Variants in P3H3 observed in about 807,000 individuals in gnomAD.
P3H3 encodes the protein gene rich cluster, B.
Under a neutral mutation model 78.1 loss-of-function variants are expected in P3H3, and 64 were observed. The observed-to-expected ratio is 0.82, with a 90% CI of 0.67 to 1.01. The LOEUF (loss-of-function observed/expected upper bound fraction) is 1.01, where lower values mean the gene tolerates loss of function less well. Among genes scored for constraint, P3H3 ranks in the 50% least tolerant of loss-of-function variants. The pLI, the probability that P3H3 is intolerant of heterozygous loss-of-function variation, is 0.00. For synonymous variants in P3H3, 425 were observed against 416.7 expected, an observed-to-expected ratio of 1.02 and a Z score of -0.24; for missense variants, 975 against 982.2, an observed-to-expected ratio of 0.99 and a Z score of 0.10.
intron 10 of P3H3, 57 bp from the exon 11 acceptor site, chr12:6,837,366 C>T (rs782054100): frequency 2.8e-5 from 43 of 1,559,084 alleles, no homozygotes; most frequent in Middle Eastern, 3.9e-4. Context: ...GGGCTAGGGC[C>T]GAGACCACCC....
At chr12:6,836,217 G>A (rs1943494234) in intron 9 of P3H3, among the ~76,000 whole-genome samples, 1 of 125,058 alleles carries the variant, frequency 8.0e-6, no homozygotes, top group Non-Finnish European at 1.6e-5. Context: ...GCAAGACCCC[G>A]TCTCAAAAAC....
intron 6 of P3H3, among the ~76,000 whole-genome samples, chr12:6,832,941 C>T (rs995022380): frequency 8.0e-5 from 12 of 150,294 alleles, no homozygotes; most frequent in African/African-American, 2.9e-4. Context: ...TTTGGGAGGC[C>T]GAGGCAGGTG....
chr12:6,838,369 C>G (rs554616484), intron 13 of P3H3, among the ~76,000 whole-genome samples: 3 of 152,144 alleles, frequency 2.0e-5, no homozygotes, highest in Admixed American at 6.5e-5. Context: ...GGCTGGCGCA[C>G]AGATACCAGG....
chr12:6,830,049 C>G, intron 2 of P3H3, 38 bp downstream of exon 2: 1 of 1,610,658 alleles, frequency 6.2e-7, no homozygotes, highest in Non-Finnish European at 8.5e-7. Flanking sequence ...TGCCACCAGC[C>G]TTTTCCTGGC....
chr12:6,831,458 C>G lies in P3H3; in HGVS notation c.1122+106C>G. 4.8e-6 allele frequency: 7 copies of G among 1,472,164 alleles called. No homozygotes were observed. Among genetic ancestry groups the G allele is most frequent in the South Asian group, 3.8e-5 (3 of 79,486 alleles). The allele number at this position is 1,472,164 out of a possible 1,614,324, so 91.2% of individuals were successfully genotyped here. On this transcript the variant is annotated intron_variant, in intron 5 of 14. Transcript: ENST00000290510. This position sits in a 1 kb window ranked among gnomAD's most constrained non-coding sequence, Gnocchi z 4.6. ...CCCGCTGGCCTCTTACCCGAGCACT[C>G]TAGTCACCCAAAGGACTCCAAGTCC...
Position 6,837,576 on chromosome 12 carries a change from A to G in P3H3, c.1711+3A>G, listed in dbSNP as rs1555122367. ...GGTGTGCCGCAGCGCCATAGAAGGTACGACAGGGACCCCCCACTGCTCTTC... is the reference window on the plus strand; with the variant it reads ...GGTGTGCCGCAGCGCCATAGAAGGTGCGACAGGGACCCCCCACTGCTCTTC... On this transcript the variant is annotated splice_donor_region_variant and intron_variant, in intron 11 of 14. Coordinates refer to ENST00000290510, the MANE Select transcript of P3H3 (RefSeq NM_014262.5). 9.3e-6 allele frequency: 15 copies of G among 1,611,398 alleles called. No individual in the cohort carries two copies. Among genetic ancestry groups the G allele is most frequent in the African/African-American group, 1.3e-5 (1 of 74,790 alleles).
At chr12:6,838,571 G>C (rs1435304566) in intron 13 of P3H3, among the ~76,000 whole-genome samples, 1 of 152,134 alleles carries the variant, frequency 6.6e-6, no homozygotes, top group Non-Finnish European at 1.5e-5. Context: ...CGGACACCAG[G>C]GGCTAGGATT....
intron 13 of P3H3, 85 bp downstream of exon 13, chr12:6,838,118 G>A: frequency 3.3e-6 from 5 of 1,523,058 alleles, no homozygotes; most frequent in Non-Finnish European, 4.4e-6. Flanking sequence ...AGAGGCAAAT[G>A]CAGGGAAATG....
intron 13 of P3H3, 116 bp downstream of exon 13, chr12:6,838,149 C>G: frequency 7.3e-7 from 1 of 1,371,140 alleles, no homozygotes. Flanking sequence ...TTAACCCTTT[C>G]ACTTCCCCGC....
At position 6,839,390 on chromosome 12, in the gene P3H3, C is replaced by A. The variant is rs782002771; in HGVS notation, c.2140C>A (p.Pro714Thr). ...GCCCAGCAAAGACCCTTCCCCAGAG[C>A]CCCCTAGCCGCAGGCACCAGAGGGT... Reference protein sequence around the residue: ...EMPSKDPSPEPPSRRHQRVQD... With the variant: ...EMPSKDPSPETPSRRHQRVQD... The change falls in exon 15 of 15, where the codon CCC becomes ACC. Residue 714 changes from proline (P) to threonine (T), a missense_variant. By Grantham distance (38) the Pro-to-Thr change is conservative. Coordinates refer to ENST00000290510, the MANE Select transcript of P3H3 (RefSeq NM_014262.5). 7 of 1,552,680 alleles carry A rather than the reference C, an allele frequency of 4.5e-6. No individual in the cohort carries two copies. The highest frequency in any genetic ancestry group is 4.4e-6 in the Non-Finnish European group (5 of 1,147,550).
chr12:6,830,333 A>G lies in P3H3; in HGVS notation c.652-20A>G. On this transcript the variant is annotated intron_variant, in intron 2 of 14. Transcript: ENST00000290510. ...GCAACCCCTGGATCTTAGGTGACTG[A>G]CTGCTCCCTTCCCCAACAGGCAGCC... The G allele has an allele frequency of 6.4e-7, 1 of 1,562,506 alleles. No homozygotes were observed. The highest frequency in any genetic ancestry group is 2.3e-4 in the Middle Eastern group (1 of 4,368).
rs1555121501 is a variant in P3H3 at position 6,831,874 on chromosome 12, A to G, written c.1172A>G (p.Tyr391Cys). 2 of 1,608,824 alleles carry G rather than the reference A, an allele frequency of 1.2e-6. No individual in the cohort carries two copies. Among genetic ancestry groups the G allele is most frequent in the East Asian group, 4.5e-5 (2 of 44,800 alleles). ...LRSLGEKRQL[Y>C]YAMEHLGTSF... Reference sequence around the variant, plus strand: ...TCCCTGGGGGAGAAGAGGCAGCTCTACTATGCCATGGAGCACCTGGGGACC... The same window carrying G: ...TCCCTGGGGGAGAAGAGGCAGCTCTGCTATGCCATGGAGCACCTGGGGACC... Residue 391 changes from tyrosine (Y) to cysteine (C), a missense_variant, in exon 6 of 15, where the codon TAC (tyrosine) becomes TGC (cysteine). By Grantham distance (194) the Tyr-to-Cys change is radical. Coordinates refer to ENST00000290510, the MANE Select transcript of P3H3 (RefSeq NM_014262.5). This position sits in a 1 kb window ranked among gnomAD's most constrained non-coding sequence, Gnocchi z 4.6.
rs1385799700 is a variant in P3H3, at chr12:6,829,282, T to G, written c.498+344T>G. On this transcript the variant is annotated intron_variant, in intron 1 of 14. Coordinates refer to ENST00000290510, the MANE Select transcript of P3H3 (RefSeq NM_014262.5). The surrounding 1 kb of genome is among the most constrained non-coding windows in gnomAD (Gnocchi z 5.1). ...CTCTCGGACGGGAAGTGTGCGTGGG[T>G]GTGTGTGTGTGTCGGGGGTGGTGGT... 4.2e-6 allele frequency: 1 copy of G among 236,658 alleles called. No individual in the cohort carries two copies. The highest frequency in any genetic ancestry group is 8.1e-6 in the Non-Finnish European group (1 of 123,350). 14.7% of individuals were successfully genotyped at this position (236,658 alleles called of 1,614,324 possible).
At position 6,837,484 on chromosome 12, in the gene P3H3, G is replaced by T. The variant is rs111999439; in HGVS notation, c.1622G>T (p.Arg541Leu). 2.5e-3 allele frequency: 4,088 copies of T among 1,611,440 alleles called. 9 individuals are homozygous for T. The highest frequency in any genetic ancestry group is 3.1e-3 in the Non-Finnish European group (3,693 of 1,178,976). Residue 541 changes from arginine (R) to leucine (L), a missense_variant, in exon 11 of 15, where the codon CGG becomes CTG. By Grantham distance (102) the Arg-to-Leu change is moderately radical. Coordinates refer to ENST00000290510, the MANE Select transcript of P3H3 (RefSeq NM_014262.5). ...AAGCTGCTTCTGGAGGTGAGCGAGC[G>T]GGTGCGGACCTTGACCCAGGCCTAC... ...GAKLLLEVSE[R>L]VRTLTQAYFS...
rs1555120940 is a variant in P3H3 at position 6,829,212 on chromosome 12, C to T, written c.498+274C>T. 8.1e-6 allele frequency: 3 copies of T among 369,102 alleles called. No individual in the cohort carries two copies. Among genetic ancestry groups the T allele is most frequent in the African/African-American group, 4.2e-5 (2 of 47,808 alleles). The allele number at this position is 369,102 out of a possible 1,614,324, so 22.9% of individuals were successfully genotyped here. A position where few individuals can be genotyped will look rare whatever the true frequency, so the allele number is the denominator to read the frequency against. ...CAGATCGAAGATGGAGGGACAGGGC[C>T]GCCTCTTCCTAGGAATGAAGCGGAG... On this transcript the variant is annotated intron_variant, in intron 1 of 14. Coordinates refer to ENST00000290510, the MANE Select transcript of P3H3 (RefSeq NM_014262.5). This position sits in a 1 kb window ranked among gnomAD's most constrained non-coding sequence, Gnocchi z 5.1.
At chr12:6,832,512 C>T (rs1369013134) in intron 6 of P3H3, among the ~76,000 whole-genome samples, 2 of 152,168 alleles carry the variant, frequency 1.3e-5, no homozygotes, top group African/African-American at 4.8e-5. Context: ...ATCAATGTTT[C>T]CACACTTTGC....
chr12:6,828,529 C>A lies in P3H3; in HGVS notation c.89C>A (p.Pro30Gln), dbSNP rs1943406362. The change falls in exon 1 of 15, where the codon CCG becomes CAG. Residue 30 changes from proline to glutamine, a missense_variant. Transcript: ENST00000290510. ...CCCCCCGGCCTGACCCAGCTGTCCC[C>A]GGGGGCGCCCCCGCAGGCCCCCGAC... ...PEPPGLTQLS[P>Q]GAPPQAPDLL... The A allele has an allele frequency of 7.7e-7, 1 of 1,291,116 alleles. No individual in the cohort carries two copies. Among genetic ancestry groups the A allele is most frequent in the Non-Finnish European group, 9.8e-7 (1 of 1,018,090 alleles). The allele number at this position is 1,291,116 out of a possible 1,614,324, so 80.0% of individuals were successfully genotyped here.
In P3H3 at chr12:6,830,558, A is replaced by G. The variant is rs1943437703; in HGVS notation, c.853+4A>G. On this transcript the variant is annotated splice_donor_region_variant and intron_variant, in intron 3 of 14. Transcript: ENST00000290510. ...GGCCTCTATGAGGCCATTGCAGGTA[A>G]GGGTCCCGTGTGTGAGGGGGTGGGT... 1 of 1,573,746 alleles carries G rather than the reference A, an allele frequency of 6.4e-7. No individual in the cohort carries two copies. Among genetic ancestry groups the G allele is most frequent in the South Asian group, 1.2e-5 (1 of 84,888 alleles).
Position 6,829,625 on chromosome 12 carries a change from A to G in P3H3, c.499-234A>G, listed in dbSNP as rs1943425535. 1.3e-5 allele frequency: 7 copies of G among 546,792 alleles called. No homozygotes were observed. Among genetic ancestry groups the G allele is most frequent in the Non-Finnish European group, 2.3e-5 (7 of 306,588 alleles). The allele number at this position is 546,792 out of a possible 1,614,324, so 33.9% of individuals were successfully genotyped here. ...AGTCCTGAGACCCATGTCCCACCCAACTCCGACGTCTTTAGATCCCCTTTC... is the reference window on the plus strand; with the variant it reads ...AGTCCTGAGACCCATGTCCCACCCAGCTCCGACGTCTTTAGATCCCCTTTC... On this transcript the variant is annotated intron_variant, in intron 1 of 14. Coordinates refer to ENST00000290510, the MANE Select transcript of P3H3 (RefSeq NM_014262.5). This position sits in a 1 kb window ranked among gnomAD's most constrained non-coding sequence, Gnocchi z 5.1.
Sources: gnomAD v4.1 joint callset for allele counts (sites outside exome capture counted in the v4.1 genomes callset) on GRCh38, gnomAD v4.1.1 for gene constraint, Gnocchi (gnomAD v3.1) non-coding constraint, MANE v1.5 for transcripts, NCBI Gene and HGNC (gene_info 2026-07-23, HGNC 2026-07-21) for gene names.